BICC1: variants seen among roughly 807,000 people sequenced by gnomAD.
BICC1 encodes the protein BicC family RNA binding protein 1.
In BICC1, 43 loss-of-function variants were observed where a neutral mutation model predicts 111.0. That is an observed-to-expected ratio of 0.39 (90% CI 0.30 to 0.50). BICC1 has a LOEUF of 0.50. Ranked by LOEUF, BICC1 falls within the 20% of genes least tolerant of loss-of-function variation. The probability of loss-of-function intolerance (pLI) is 0.88; values close to 1 mark genes in which losing one functional copy is unlikely to be tolerated. For synonymous variants in BICC1, 467 were observed against 434.4 expected, an observed-to-expected ratio of 1.07 and a Z score of -0.93; for missense variants, 1,091 against 1,203.2, an observed-to-expected ratio of 0.91 and a Z score of 1.38.
chr10:58,587,300 T>C (rs1411135251), intron 1 of BICC1, among the ~76,000 whole-genome samples: 2 of 152,194 alleles, frequency 1.3e-5, no homozygotes, highest in African/African-American at 4.8e-5. Flanking sequence ...TGATCATAGT[T>C]TCTTGTCCTA....
At chr10:58,679,760 T>C (rs1026896751) in intron 2 of BICC1, among the ~76,000 whole-genome samples, 1 of 152,188 alleles carries the variant, frequency 6.6e-6, no homozygotes, top group African/African-American at 2.4e-5. Flanking sequence ...CCGGTACCCC[T>C]GATGAACATC....
chr10:58,664,924 G>T (rs867898448), intron 2 of BICC1, among the ~76,000 whole-genome samples: 1 of 152,108 alleles, frequency 6.6e-6, no homozygotes. Flanking sequence ...ACAGACTTCA[G>T]ATTTCTCCAG....
chr10:58,776,599 C>T (rs927951690), intron 3 of BICC1, among the ~76,000 whole-genome samples: 2 of 152,078 alleles, frequency 1.3e-5, no homozygotes, highest in Non-Finnish European at 2.9e-5. Flanking sequence ...GGTGTTGTTT[C>T]CTCCTCTTCA....
chr10:58,667,103 C>G (rs1839037786), intron 2 of BICC1, among the ~76,000 whole-genome samples: 1 of 152,088 alleles, frequency 6.6e-6, no homozygotes, highest in African/African-American at 2.4e-5. Flanking sequence ...AGGCAAATTA[C>G]TTACCAAACT....
At chr10:58,801,285 C>A (rs1010539192) in intron 14 of BICC1, among the ~76,000 whole-genome samples, 1 of 152,106 alleles carries the variant, frequency 6.6e-6, no homozygotes, top group Non-Finnish European at 1.5e-5. Flanking sequence ...TCCTCTAAAC[C>A]GTCTGTATTA....
Position 58,799,147 on chromosome 10 carries a change from C to T in BICC1, c.1620C>T (p.His540=). 1 of 1,613,868 alleles carries T rather than the reference C, an allele frequency of 6.2e-7. No individual in the cohort carries two copies. Among genetic ancestry groups the T allele is most frequent in the Non-Finnish European group, 8.5e-7 (1 of 1,179,846 alleles). The part of the protein sequence containing the change: ...ILLSGVPTYG[H]TAPSPPPGLT... ...TGTCTGGAGTGCCCACCTATGGGCA[C>T]ACAGCTCCATCTCCCCCTCCTGGCT... The change falls in exon 12 of 21, where the codon CAC becomes CAT. Residue 540 remains histidine, a synonymous_variant. Coordinates refer to ENST00000373886, the MANE Select transcript of BICC1 (RefSeq NM_001080512.3).
chr10:58,753,822 G>C (rs960366378), intron 3 of BICC1, among the ~76,000 whole-genome samples: 4 of 151,672 alleles, frequency 2.6e-5, no homozygotes, highest in South Asian at 2.1e-4. Flanking sequence ...CTGGACAAAG[G>C]CCCTTTTTGC....
chr10:58,800,075 T>C, intron 12 of BICC1, 119 bp from the exon 13 acceptor site: 4 of 678,140 alleles, frequency 5.9e-6, no homozygotes, highest in East Asian at 5.5e-5. Flanking sequence ...TCTCCTTAGT[T>C]AGAAGTATTC....
chr10:58,578,818 A>G (rs1187360413), intron 1 of BICC1, among the ~76,000 whole-genome samples: 1 of 152,106 alleles, frequency 6.6e-6, no homozygotes, highest in Non-Finnish European at 1.5e-5. Context: ...GCAGGAGTTC[A>G]ACCTCCCTTC....
At chr10:58,580,826 G>A (rs1007694003) in intron 1 of BICC1, among the ~76,000 whole-genome samples, 7 of 152,260 alleles carry the variant, frequency 4.6e-5, no homozygotes, top group African/African-American at 1.7e-4. Flanking sequence ...GTATGAAGGA[G>A]CTAGTGGTTT....
rs1844540158 is a variant in BICC1, at chr10:58,831,123, C to A, written c.*2232C>A. 2 of 152,072 alleles carry A rather than the reference C, an allele frequency of 1.3e-5. No homozygotes were observed. Among genetic ancestry groups the A allele is most frequent in the South Asian group, 4.1e-4 (2 of 4,826 alleles). The allele number at this position is 152,072 out of a possible 1,614,324, so 9.4% of individuals were successfully genotyped here. Reference sequence around the variant, plus strand: ...AAAATAAATAAAAACACTGGAAATTCTTTCTCTCACTTTCTCTTGATGCAA... The same window carrying A: ...AAAATAAATAAAAACACTGGAAATTATTTCTCTCACTTTCTCTTGATGCAA... On this transcript the variant is annotated 3_prime_UTR_variant, in exon 21 of 21. Coordinates refer to ENST00000373886, the MANE Select transcript of BICC1 (RefSeq NM_001080512.3).
intron 10 of BICC1, among the ~76,000 whole-genome samples, chr10:58,797,346 C>T (rs1347818213): frequency 6.6e-6 from 1 of 152,106 alleles, no homozygotes; most frequent in African/African-American, 2.4e-5. Context: ...TTTCCAATAG[C>T]TATTCTTGCA....
At chr10:58,523,722 A>G (rs1344885212) in intron 1 of BICC1, among the ~76,000 whole-genome samples, 4 of 152,104 alleles carry the variant, frequency 2.6e-5, no homozygotes, top group Non-Finnish European at 5.9e-5. Context: ...GGCAGGAGAA[A>G]GAAAGAAAGG....
intron 3 of BICC1, among the ~76,000 whole-genome samples, chr10:58,773,522 G>A (rs1469080215): frequency 6.6e-6 from 1 of 152,228 alleles, no homozygotes; most frequent in African/African-American, 2.4e-5. Context: ...CATCACCTGA[G>A]GGCTGATGGG....
At chr10:58,587,799 T>G (rs1397485729) in intron 1 of BICC1, among the ~76,000 whole-genome samples, 2 of 152,192 alleles carry the variant, frequency 1.3e-5, no homozygotes, top group African/African-American at 4.8e-5. Context: ...TGACTTTGAG[T>G]CAGTTACCCA....
rs373441296 is a variant in BICC1, at chr10:58,717,496, TAAC to T, written c.307+15356_307+15358del. 3.7e-4 allele frequency among the ~76,000 whole-genome samples: 56 copies of T among 152,308 alleles called. 2 individuals carry two copies. In the East Asian group the frequency reaches 8.7e-3, roughly 24 times the overall value. On this transcript the variant is annotated intron_variant, in intron 3 of 20. Coordinates refer to ENST00000373886, the MANE Select transcript of BICC1 (RefSeq NM_001080512.3). The stretch of plus-strand genomic sequence containing the variant: ...AAAGTTTATTGTCTTTGTATATTAA[TAAC>T]AAAGTATGACAAGTTAAGTTTAAAT...
At chr10:58,610,048 A>G (rs370816840) in intron 1 of BICC1, among the ~76,000 whole-genome samples, 6 of 152,364 alleles carry the variant, frequency 3.9e-5, no homozygotes, top group African/African-American at 1.4e-4. Flanking sequence ...TGTTAGGGTC[A>G]TCAGTCCACC....
chr10:58,549,346 CTTT>C (rs1843228881), intron 1 of BICC1, among the ~76,000 whole-genome samples: 1 of 152,106 alleles, frequency 6.6e-6, no homozygotes, highest in Non-Finnish European at 1.5e-5. Flanking sequence ...CTGTGTTTAG[CTTT>C]TTAAGACACT....
intron 1 of BICC1, among the ~76,000 whole-genome samples, chr10:58,543,247 C>T (rs1268797187): frequency 5.3e-5 from 8 of 152,046 alleles, no homozygotes; most frequent in Admixed American, 1.3e-4. Context: ...ATCATGCTAA[C>T]TTAAATAAAC....
Sources: allele counts gnomAD v4.1 joint callset (sites outside exome capture counted in the v4.1 genomes callset), GRCh38; gene constraint gnomAD v4.1.1; transcripts MANE v1.5; gene names NCBI Gene and HGNC (gene_info 2026-07-23, HGNC 2026-07-21).